GPR4: variants seen among roughly 807,000 people sequenced by gnomAD.
GPR4 encodes G-prodeshotein coupled receptor 4.
A neutral mutation model predicts 17.8 loss-of-function variants in GPR4; 11 were observed. The observed-to-expected ratio is 0.62, with a 90% CI of 0.39 to 1.02. The LOEUF (loss-of-function observed/expected upper bound fraction) is 1.02, where lower values mean the gene tolerates loss of function less well. Among genes scored for constraint, GPR4 ranks in the 50% least tolerant of loss-of-function variants. GPR4 has a pLI of 0.00. For missense variants in GPR4, 364 were observed against 495.4 expected (o/e 0.73, Z 2.52); for synonymous variants, 219 against 222.8 (o/e 0.98, Z 0.15).
At chr19:45,600,204 C>G (rs1012244163) in intron 1 of GPR4, among the ~76,000 whole-genome samples, 3 of 152,158 alleles carry the variant, frequency 2.0e-5, no homozygotes, top group Non-Finnish European at 4.4e-5. Flanking sequence ...ATGCTATATC[C>G]AGGCCGCCTC....
At chr19:45,599,532 C>T (rs1234808448) in intron 1 of GPR4, 1 of 152,188 alleles carries the variant, frequency 6.6e-6, no homozygotes, top group Non-Finnish European at 1.5e-5. Flanking sequence ...CACCTGGTGC[C>T]CTGGCGGCCG....
chr19:45,591,491 C>T lies in GPR4; in HGVS notation c.376G>A (p.Ala126Thr). Reference sequence around the variant, plus strand: ...GCGGTCTTGACGCGGCGCAGGCGGGCGAAGCGGAGTGGGTGGGCCACAGCC... The same window carrying T: ...GCGGTCTTGACGCGGCGCAGGCGGGTGAAGCGGAGTGGGTGGGCCACAGCC... ...YLAVAHPLRF[A>T]RLRRVKTAVA... The change falls in exon 2 of 2, where the codon GCC (alanine) becomes ACC (threonine). Residue 126 changes from alanine (A) to threonine (T), a missense_variant. This residue lies in a region of GPR4 where 271 missense variants were observed against 373.1 expected (regional missense o/e 0.73). Transcript: ENST00000323040. This position sits in a 1 kb window ranked among gnomAD's most constrained non-coding sequence, Gnocchi z 7.6. The T allele has an allele frequency of 1.2e-6, 2 of 1,608,596 alleles. No homozygotes were observed. Among genetic ancestry groups the T allele is most frequent in the Non-Finnish European group, 1.7e-6 (2 of 1,177,728 alleles).
chr19:45,592,744 C>T (rs1222292594), intron 1 of GPR4, 47 bp from the exon 2 acceptor site: 2 of 165,716 alleles, frequency 1.2e-5, no homozygotes, highest in Non-Finnish European at 1.5e-5. Flanking sequence ...ACACTCCAAC[C>T]TTCTTCTCCC....
chr19:45,594,063 AAT>A (rs1186316579), intron 1 of GPR4, among the ~76,000 whole-genome samples: 452 of 36,198 alleles, frequency 0.012, 6 homozygotes, highest in African/African-American at 0.022. Context: ...AAAAAAAAAA[AAT>A]ATATATATAT....
intron 1 of GPR4, among the ~76,000 whole-genome samples, chr19:45,601,371 G>A (rs989020571): frequency 6.6e-6 from 1 of 152,286 alleles, no homozygotes; most frequent in African/African-American, 2.4e-5. Flanking sequence ...AGTAGGGGAG[G>A]AAGTCCACCC....
At position 45,592,198 on chromosome 19, in the gene GPR4, C is replaced by T. The variant is rs143159445; in HGVS notation, c.-332G>A. 1.5e-5 allele frequency: 4 copies of T among 268,322 alleles called. No homozygotes were observed. The highest frequency in any genetic ancestry group is 2.3e-5 in the Non-Finnish European group (3 of 132,210). 16.6% of individuals were successfully genotyped at this position (268,322 alleles called of 1,614,324 possible). On this transcript the variant is annotated 5_prime_UTR_variant, in exon 2 of 2. Coordinates refer to ENST00000323040, the MANE Select transcript of GPR4 (RefSeq NM_005282.3). Reference sequence around the variant, plus strand: ...TGGGGGTGACACAAAAATTGGTCTCCGGGAGTGTTTATGGAGGAGACGAAA... The same window carrying T: ...TGGGGGTGACACAAAAATTGGTCTCTGGGAGTGTTTATGGAGGAGACGAAA...
intron 1 of GPR4, among the ~76,000 whole-genome samples, chr19:45,597,920 C>G (rs560835393): frequency 6.6e-6 from 1 of 152,294 alleles, no homozygotes; most frequent in Non-Finnish European, 1.5e-5. Context: ...CTGCCTCCCC[C>G]ACCCCAGACT....
chr19:45,592,962 T>C (rs1363566785), intron 1 of GPR4, among the ~76,000 whole-genome samples: 1 of 149,784 alleles, frequency 6.7e-6, no homozygotes, highest in Non-Finnish European at 1.5e-5. Context: ...GAGGCCGAGG[T>C]GGGAGGTTCG....
Position 45,594,063 on chromosome 19 carries a change from AATATATATATATATATAT to A in GPR4, c.-831-1384_-831-1367del, listed in dbSNP as rs1186316579. ...GCCTGGCTTAAAAAAAAAAAAAAAA[AATATATATATATATATAT>A]ATATATATATATAAAATAGATGCAG... On this transcript the variant is annotated intron_variant, in intron 1 of 1. Transcript: ENST00000323040. 1.4e-4 allele frequency among the ~76,000 whole-genome samples: 5 copies of A among 36,242 alleles called. 1 individual carries two copies. The South Asian group carries it at 3.4e-3, about 25-fold the overall frequency. 23.8% of individuals were successfully genotyped at this position (36,242 alleles called of 152,430 possible).
intron 1 of GPR4, among the ~76,000 whole-genome samples, chr19:45,600,359 G>C (rs1970100477): frequency 6.6e-6 from 1 of 152,128 alleles, no homozygotes; most frequent in Admixed American, 6.5e-5. Context: ...ACTGAAGCTG[G>C]AGTTAATCCC....
chr19:45,592,337 T>C lies in GPR4; in HGVS notation c.-471A>G. 5.9e-6 allele frequency: 1 copy of C among 169,404 alleles called. No homozygotes were observed. Among genetic ancestry groups the C allele is most frequent in the Non-Finnish European group, 1.4e-5 (1 of 69,734 alleles). The allele number at this position is 169,404 out of a possible 1,614,324, so 10.5% of individuals were successfully genotyped here. The stretch of plus-strand genomic sequence containing the variant: ...TGTTCTAGAAGACACAAGAAATACA[T>C]GAGAAAGTGTTGAGATAGGACACAG... On this transcript the variant is annotated 5_prime_UTR_variant, in exon 2 of 2. The change abolishes an upstream ATG in the 5' untranslated region. Transcript: ENST00000323040.
chr19:45,595,275 C>CTAAA (rs72050823), intron 1 of GPR4, among the ~76,000 whole-genome samples: 20,136 of 138,110 alleles, frequency 0.15, 1,563 homozygotes, highest in East Asian at 0.23. Context: ...AACTCCATCT[C>CTAAA]TAAATAAATA....
chr19:45,591,414 C>T lies in GPR4; in HGVS notation c.453G>A (p.Ala151=), dbSNP rs759854339. Residue 151 remains alanine (A), a synonymous_variant, in exon 2 of 2, where the codon GCG becomes GCA. Coordinates refer to ENST00000323040, the MANE Select transcript of GPR4 (RefSeq NM_005282.3). The surrounding 1 kb of genome is among the most constrained non-coding windows in gnomAD (Gnocchi z 7.6). ...VWATELGANS[A]PLFHDELFRD... ...GGAAGAGCTCGTCATGGAACAGGGG[C>T]GCCGAGTTGGCGCCCAGCTCCGTGG... is the stretch of plus-strand genomic sequence containing the variant. 17 of 1,607,568 alleles carry T rather than the reference C, an allele frequency of 1.1e-5. No individual in the cohort carries two copies. Among genetic ancestry groups the T allele is most frequent in the African/African-American group, 2.7e-5 (2 of 74,092 alleles).
intron 1 of GPR4, among the ~76,000 whole-genome samples, chr19:45,600,922 C>G (rs765257110): frequency 6.6e-6 from 1 of 152,238 alleles, no homozygotes; most frequent in African/African-American, 2.4e-5. Context: ...AAGATGTTCA[C>G]ATTCAAGGTA....
chr19:45,594,078 A>ATATATATATATATATATATATATATATTT (rs1411133593), intron 1 of GPR4, among the ~76,000 whole-genome samples: 98 of 74,376 alleles, frequency 1.3e-3, no homozygotes, highest in African/African-American at 2.4e-3. Flanking sequence ...ATATATATAT[A>ATATATATATATATATATATATATATATTT]TATATATATA....
chr19:45,597,208 A>G (rs190289783), intron 1 of GPR4, among the ~76,000 whole-genome samples: 20 of 152,166 alleles, frequency 1.3e-4, no homozygotes, highest in African/African-American at 4.6e-4. Flanking sequence ...AGTTGGGATT[A>G]CAGGTGTGCA....
chr19:45,598,900 C>T lies in GPR4; in HGVS notation c.-832+3195G>A, dbSNP rs75502455. ...TCAAGTCTTTCTGAGCGTCTCTGGC[C>T]CCTCTGAGAACCTACTAGAAGATAC... On this transcript the variant is annotated intron_variant, in intron 1 of 1. Coordinates refer to ENST00000323040, the MANE Select transcript of GPR4 (RefSeq NM_005282.3). Among the ~76,000 whole-genome samples, 1,067 of 152,240 alleles carry T rather than the reference C, an allele frequency of 7.0e-3. 17 individuals are homozygous for T. The highest frequency in any genetic ancestry group is 0.038 in the Admixed American group (585 of 15,278).
At chr19:45,594,197 G>A (rs1197586719) in intron 1 of GPR4, among the ~76,000 whole-genome samples, 1 of 147,248 alleles carries the variant, frequency 6.8e-6, no homozygotes, top group African/African-American at 2.5e-5. Flanking sequence ...GCTGAGGCGG[G>A]CGGATCATGA....
In GPR4 at chr19:45,591,816, G is replaced by T; in HGVS notation, c.51C>A (p.His17Gln). 3 of 1,603,588 alleles carry T rather than the reference G, an allele frequency of 1.9e-6. No individual in the cohort carries two copies. Among genetic ancestry groups the T allele is most frequent in the Non-Finnish European group, 2.6e-6 (3 of 1,173,186 alleles). The change falls in exon 2 of 2, where the codon CAC (histidine) becomes CAA (glutamine). Residue 17 changes from histidine (H) to glutamine (Q), a missense_variant. Physicochemically the swap from His to Gln is conservative, Grantham distance 24. Coordinates refer to ENST00000323040, the MANE Select transcript of GPR4 (RefSeq NM_005282.3). The surrounding 1 kb of genome is among the most constrained non-coding windows in gnomAD (Gnocchi z 7.6). The stretch of plus-strand genomic sequence containing the variant: ...AGATGTAGAGGGATGGCGGAAAGAG[G>T]TGGTCCACGCGCGAGTCCACGTGGC... ...EGCHVDSRVD[H>Q]LFPPSLYIFV... is the part of the protein sequence containing the mutation.
Sources: gnomAD v4.1 joint callset for allele counts (sites outside exome capture counted in the v4.1 genomes callset) on GRCh38, gnomAD v4.1.1 for gene constraint, gnomAD v4.1.1 regional missense constraint, Gnocchi (gnomAD v3.1) non-coding constraint, MANE v1.5 for transcripts, NCBI Gene and HGNC (gene_info 2026-07-23, HGNC 2026-07-21) for gene names.